The following TANK variants were observed in gnomAD, a reference collection of about 807,000 sequenced individuals.
The protein encoded by TANK is TRAF family member associated NFKB activator.
TANK carries 15 observed loss-of-function variants against 43.6 expected under a neutral mutation model. The observed-to-expected ratio is 0.34, with a 90% CI of 0.23 to 0.53. The LOEUF (loss-of-function observed/expected upper bound fraction) is 0.53. Ranked by LOEUF, TANK falls within the 20% of genes least tolerant of loss-of-function variation. TANK has a pLI of 0.94. For missense variants in TANK, 417 were observed against 498.6 expected (o/e 0.84, Z 1.56); for synonymous variants, 162 against 178.2 (o/e 0.91, Z 0.73).
At position 161,178,591 on chromosome 2, in the gene TANK, T is replaced by G. The variant is rs114580302; in HGVS notation, c.-49-1023T>G. ...TCCAGAATTATCTTGATGGTGATGC[T>G]TGCACAACATAATGAATATTCTAAA... On this transcript the variant is annotated intron_variant, in intron 1 of 7. Transcript: ENST00000392749. Among the ~76,000 whole-genome samples, 1,456 of 152,186 alleles carry G rather than the reference T, an allele frequency of 9.6e-3. 15 individuals are homozygous for G. Among genetic ancestry groups the G allele is most frequent in the African/African-American group, 0.022 (901 of 41,526 alleles).
chr2:161,201,944 G>A (rs893110345), intron 2 of TANK, among the ~76,000 whole-genome samples: 1 of 152,088 alleles, frequency 6.6e-6, no homozygotes, highest in Non-Finnish European at 1.5e-5. Flanking sequence ...ATTGGAATCC[G>A]TATTTCCTTT....
chr2:161,227,067 A>G (rs1258111233), intron 6 of TANK: 1 of 152,214 alleles, frequency 6.6e-6, no homozygotes, highest in African/African-American at 2.4e-5. Flanking sequence ...GTTTCTCAAT[A>G]TGGTGTCAGG....
intron 2 of TANK, among the ~76,000 whole-genome samples, chr2:161,182,907 C>T (rs1413692051): frequency 6.6e-6 from 1 of 152,070 alleles, no homozygotes; most frequent in Non-Finnish European, 1.5e-5. Context: ...CTGTCTTCAG[C>T]AAGTGAGAGG....
chr2:161,200,424 G>T (rs1686351304), intron 2 of TANK: 4 of 945,780 alleles, frequency 4.2e-6, no homozygotes, highest in East Asian at 1.2e-4. Context: ...AAAAAAAAAA[G>T]ACTAGTTTCA....
chr2:161,210,696 T>TAAAA (rs779556160), intron 4 of TANK, among the ~76,000 whole-genome samples: 6 of 91,048 alleles, frequency 6.6e-5, no homozygotes, highest in Non-Finnish European at 9.2e-5. Context: ...AAACTCCGTC[T>TAAAA]AAAAAAAAAA....
At chr2:161,207,457 C>T in intron 4 of TANK, 1 of 982,316 alleles carries the variant, frequency 1.0e-6, no homozygotes, top group Non-Finnish European at 1.2e-6. Flanking sequence ...AACTGTCTTG[C>T]AGTTCAGCTT....
rs1278378584 is a variant in TANK, at chr2:161,231,007, A to C, written c.557A>C (p.Lys186Thr). Reference sequence around the variant, plus strand: ...TCTGTGCCTATACAGTGTACGGATAAAACAGATAAACAAGAAGCGCTGTTT... The same window carrying C: ...TCTGTGCCTATACAGTGTACGGATACAACAGATAAACAAGAAGCGCTGTTT... ...QCSVPIQCTDKTDKQEALFKP... is the reference protein window; with the variant it reads ...QCSVPIQCTDTTDKQEALFKP... The change falls in exon 7 of 8, where the codon AAA becomes ACA. Residue 186 changes from lysine to threonine, a missense_variant. By Grantham distance (78) the Lys-to-Thr change is moderately conservative. Coordinates refer to ENST00000392749, the MANE Select transcript of TANK (RefSeq NM_001199135.3). 7 of 1,614,072 alleles carry C rather than the reference A, an allele frequency of 4.3e-6. No individual in the cohort carries two copies. Among genetic ancestry groups the C allele is most frequent in the Non-Finnish European group, 5.9e-6 (7 of 1,180,034 alleles).
chr2:161,146,729 C>G (rs1327522349), intron 1 of TANK, among the ~76,000 whole-genome samples: 1 of 152,174 alleles, frequency 6.6e-6, no homozygotes, highest in Non-Finnish European at 1.5e-5. Flanking sequence ...TGAGGGGCAC[C>G]AACCAGATGG....
chr2:161,192,014 C>T (rs1685939596), intron 2 of TANK, among the ~76,000 whole-genome samples: 1 of 152,110 alleles, frequency 6.6e-6, no homozygotes, highest in Non-Finnish European at 1.5e-5. Context: ...TCTCGAGCTC[C>T]TGACCTCAAG....
chr2:161,163,000 C>A (rs540036490), intron 1 of TANK: 1 of 152,066 alleles, frequency 6.6e-6, no homozygotes, highest in African/African-American at 2.4e-5. Flanking sequence ...ACCAATCTTA[C>A]GCTTGGTCAT....
chr2:161,162,005 G>A (rs1684461994), intron 1 of TANK: 1 of 152,090 alleles, frequency 6.6e-6, no homozygotes, highest in Non-Finnish European at 1.5e-5. Flanking sequence ...ATCTGAAAAT[G>A]ATTTTTGTAT....
chr2:161,201,973 A>G (rs1030858779), intron 2 of TANK, among the ~76,000 whole-genome samples: 1 of 152,202 alleles, frequency 6.6e-6, no homozygotes, highest in East Asian at 1.9e-4. Flanking sequence ...TTCAGTGAAC[A>G]TATACTGAAC....
intron 4 of TANK, among the ~76,000 whole-genome samples, chr2:161,205,266 C>T (rs2105348079): frequency 6.6e-6 from 1 of 152,160 alleles, no homozygotes; most frequent in Non-Finnish European, 1.5e-5. Context: ...CTGCAGTGAC[C>T]CATGATCATG....
chr2:161,173,831 C>T (rs1325602385), intron 1 of TANK, among the ~76,000 whole-genome samples: 1 of 152,036 alleles, frequency 6.6e-6, no homozygotes, highest in Non-Finnish European at 1.5e-5. Flanking sequence ...CAGGATACAG[C>T]TCAGTTCCTC....
At chr2:161,178,622 C>T (rs1685279386) in intron 1 of TANK, among the ~76,000 whole-genome samples, 1 of 151,922 alleles carries the variant, frequency 6.6e-6, no homozygotes, top group Non-Finnish European at 1.5e-5. Flanking sequence ...CTAAAAAATA[C>T]CAAAGTGTAC....
upstream of TANK, chr2:161,156,340 C>A (rs1684226456): frequency 2.0e-6 from 2 of 985,264 alleles, no homozygotes; most frequent in Non-Finnish European, 2.4e-6. Flanking sequence ...GTTCTGTGTC[C>A]TTACAGACTT....
intron 7 of TANK, among the ~76,000 whole-genome samples, chr2:161,233,713 G>C (rs959823642): frequency 1.3e-5 from 2 of 152,140 alleles, no homozygotes; most frequent in Non-Finnish European, 1.5e-5. Context: ...TAAATTGGGA[G>C]TAGAAGATTG....
chr2:161,219,973 C>T (rs1294152816), intron 4 of TANK: 3 of 219,676 alleles, frequency 1.4e-5, no homozygotes, highest in South Asian at 1.1e-4. Context: ...CATCCCATCC[C>T]ACCTTGGCTT....
At chr2:161,146,071 A>C (rs1683901887) in intron 1 of TANK, among the ~76,000 whole-genome samples, 1 of 152,100 alleles carries the variant, frequency 6.6e-6, no homozygotes, top group African/African-American at 2.4e-5. Context: ...TTTCAGCAAG[A>C]TGATCTTCAA....
Sources: allele counts gnomAD v4.1 joint callset (sites outside exome capture counted in the v4.1 genomes callset), GRCh38; gene constraint gnomAD v4.1.1; transcripts MANE v1.5; gene names NCBI Gene and HGNC (gene_info 2026-07-23, HGNC 2026-07-21).